TUBA1B: variants seen among roughly 807,000 people sequenced by gnomAD.
TUBA1B encodes the protein tubulin alpha-1B chain.
TUBA1B carries 1 observed loss-of-function variant against 34.4 expected under a neutral mutation model. The observed-to-expected ratio is 0.03, with a 90% CI of 0.01 to 0.14. TUBA1B has a LOEUF of 0.14. TUBA1B is among the 10% of genes least tolerant of loss of function. The pLI is 1.00. For synonymous variants in TUBA1B, 197 were observed against 212.5 expected, an observed-to-expected ratio of 0.93 and a Z score of 0.64; for missense variants, 54 against 583.6, an observed-to-expected ratio of 0.09 and a Z score of 9.35.
intron 1 of TUBA1B, chr12:49,130,335 G>C (rs1298640280): frequency 7.8e-7 from 1 of 1,289,114 alleles, no homozygotes; most frequent in African/African-American, 1.5e-5. Context: ...CAGGGACAAG[G>C]GGCGGGGCTC....
In TUBA1B at chr12:49,129,601, A is replaced by G. The variant is rs754733408; in HGVS notation, c.125T>C (p.Ile42Thr). Reference protein sequence around the residue: ...PDGQMPSDKTIGGGDDSFNTF... With the variant: ...PDGQMPSDKTTGGGDDSFNTF... ...GTTGAAGGAGTCATCTCCTCCCCCA[A>G]TGGTCTTGTCACTTGGCATCTGGCC... is the stretch of plus-strand genomic sequence containing the variant. Residue 42 changes from isoleucine to threonine, a missense_variant, in exon 2 of 4, where the codon ATT becomes ACT. Transcript: ENST00000336023. The G allele has an allele frequency of 5.0e-6, 8 of 1,614,022 alleles. No homozygotes were observed. The highest frequency in any genetic ancestry group is 2.7e-5 in the African/African-American group (2 of 74,906).
rs1941772056 is a variant in TUBA1B at position 49,129,023 on chromosome 12, CAT to C, written c.376-87_376-86del. Reference sequence around the variant, plus strand: ...TATTTCAACTTTTTAGATTACGAACCATATCTCACTGATGTAAGCACAAGGAA... The same window carrying C: ...TATTTCAACTTTTTAGATTACGAACCATCTCACTGATGTAAGCACAAGGAA... On this transcript the variant is annotated intron_variant, in intron 3 of 3. Coordinates refer to ENST00000336023, the MANE Select transcript of TUBA1B (RefSeq NM_006082.3). The C allele has an allele frequency of 2.4e-5, 36 of 1,527,106 alleles. No homozygotes were observed. The South Asian group carries it at 4.6e-4, about 19-fold the overall frequency. 94.6% of individuals were successfully genotyped at this position (1,527,106 alleles called of 1,614,324 possible).
chr12:49,130,319 T>G lies in TUBA1B; in HGVS notation c.4-597A>C, dbSNP rs1362480151. ...GCCAGACCAGCGCAGAAGAAATGTCTGTCCGCAGGGACAAGGGGCGGGGCT... is the reference window on the plus strand; with the variant it reads ...GCCAGACCAGCGCAGAAGAAATGTCGGTCCGCAGGGACAAGGGGCGGGGCT... On this transcript the variant is annotated intron_variant, in intron 1 of 3. Transcript: ENST00000336023. 4 of 1,289,090 alleles carry G rather than the reference T, an allele frequency of 3.1e-6. 1 individual carries two copies. In the South Asian group the frequency reaches 4.9e-5, roughly 16 times the overall value. The allele number at this position is 1,289,090 out of a possible 1,614,324, so 79.9% of individuals were successfully genotyped here.
chr12:49,129,835 G>T (rs570185563), intron 1 of TUBA1B, 113 bp from the exon 2 acceptor site: 1 of 1,504,024 alleles, frequency 6.6e-7, no homozygotes, highest in Non-Finnish European at 8.9e-7. Flanking sequence ...TGTCGCCCAG[G>T]CTTGAGTGCA....
chr12:49,129,411 C>T (rs369476687), intron 2 of TUBA1B, 21 bp from the exon 3 acceptor site: 24 of 1,613,954 alleles, frequency 1.5e-5, no homozygotes, highest in African/African-American at 6.7e-5. Context: ...GAGAGAAGGA[C>T]GGAGGGAGTG....
intron 2 of TUBA1B, 43 bp from the exon 3 acceptor site, chr12:49,129,433 A>G: frequency 6.2e-7 from 1 of 1,613,946 alleles, no homozygotes. Flanking sequence ...GTGAGTGACA[A>G]GAGAAGCCCC....
intron 1 of TUBA1B, 103 bp downstream of exon 1, chr12:49,131,195 T>C: frequency 5.5e-6 from 8 of 1,464,312 alleles, no homozygotes; most frequent in Admixed American, 2.0e-5. Context: ...AACGGACGGC[T>C]CTGAGGCCAG....
Position 49,131,350 on chromosome 12 carries a change from C to G in TUBA1B, c.-50G>C, listed in dbSNP as rs750280211. On this transcript the variant is annotated 5_prime_UTR_variant, in exon 1 of 4. Transcript: ENST00000336023. ...GGCGACAGGAGCAGACACCGGGTCC[C>G]GGTTACCGTCCCCGACAAGCTAAGA... The G allele has an allele frequency of 8.7e-6, 14 of 1,605,466 alleles. No homozygotes were observed. In the South Asian group the frequency reaches 1.1e-4, roughly 13 times the overall value.
Position 49,129,678 on chromosome 12 carries a change from A to G in TUBA1B, c.48T>C (p.Ile16=), listed in dbSNP as rs1941778789. The part of the protein sequence containing the change: ...SIHVGQAGVQ[I]GNACWELYCL... Reference sequence around the variant, plus strand: ...AGTAGAGCTCCCAGCAGGCATTGCCAATCTGGACACCAGCCTGGCCAACGT... The same window carrying G: ...AGTAGAGCTCCCAGCAGGCATTGCCGATCTGGACACCAGCCTGGCCAACGT... Residue 16 remains isoleucine (I), a synonymous_variant, in exon 2 of 4, where the codon ATT becomes ATC. Coordinates refer to ENST00000336023, the MANE Select transcript of TUBA1B (RefSeq NM_006082.3). 1.9e-6 allele frequency: 3 copies of G among 1,614,248 alleles called. No individual in the cohort carries two copies. Among genetic ancestry groups the G allele is most frequent in the Non-Finnish European group, 2.5e-6 (3 of 1,180,044 alleles).
chr12:49,130,200 G>C (rs1565615484), intron 1 of TUBA1B: 1 of 1,268,484 alleles, frequency 7.9e-7, no homozygotes, highest in African/African-American at 1.5e-5. Flanking sequence ...ACCAAGACAG[G>C]AAGGTGGGCA....
chr12:49,129,925 C>A (rs768714515), intron 1 of TUBA1B: 4 of 1,084,302 alleles, frequency 3.7e-6, no homozygotes, highest in Middle Eastern at 3.1e-4. Context: ...GGACCACAGG[C>A]ACAGACCACC....
intron 1 of TUBA1B, 22 bp from the exon 2 acceptor site, chr12:49,129,744 T>C (rs1270391430): frequency 4.6e-6 from 7 of 1,516,542 alleles, no homozygotes; most frequent in Middle Eastern, 1.7e-4. Flanking sequence ...AAAAAAGATA[T>C]CACAATTTAA....
In TUBA1B at chr12:49,128,249, G is replaced by A. The variant is rs3206417; in HGVS notation, c.1065C>T (p.Ile355=). 2 of 1,614,194 alleles carry A rather than the reference G, an allele frequency of 1.2e-6. No individual in the cohort carries two copies. ...GCACCACAGTGGGAGGCTGGTAGTTGATGCCAACCTTGAAGCCAGTGGGGC... is the reference window on the plus strand; with the variant it reads ...GCACCACAGTGGGAGGCTGGTAGTTAATGCCAACCTTGAAGCCAGTGGGGC... The part of the protein sequence containing the change: ...DWCPTGFKVG[I]NYQPPTVVPG... Residue 355 remains isoleucine (I), a synonymous_variant, in exon 4 of 4, where the codon ATC becomes ATT. Coordinates refer to ENST00000336023, the MANE Select transcript of TUBA1B (RefSeq NM_006082.3). This position sits in a 1 kb window ranked among gnomAD's most constrained non-coding sequence, Gnocchi z 8.1.
At chr12:49,130,567 CA>C in intron 1 of TUBA1B, 1 of 352,868 alleles carries the variant, frequency 2.8e-6, no homozygotes, top group Non-Finnish European at 5.6e-6. Context: ...TCCGTTCCCT[CA>C]AAATCCCTTA....
chr12:49,130,974 G>A (rs1438085501), intron 1 of TUBA1B: 2 of 299,286 alleles, frequency 6.7e-6, no homozygotes, highest in Non-Finnish European at 6.6e-6. Context: ...CGCTGGAAAG[G>A]ACTGCGGGGA....
Position 49,128,435 on chromosome 12 carries a change from A to G in TUBA1B, c.879T>C (p.Asn293=). 1 of 1,613,776 alleles carries G rather than the reference A, an allele frequency of 6.2e-7. No individual in the cohort carries two copies. The highest frequency in any genetic ancestry group is 8.5e-7 in the Non-Finnish European group (1 of 1,179,940). Residue 293 remains asparagine, a synonymous_variant, in exon 4 of 4, where the codon AAT becomes AAC. Coordinates refer to ENST00000336023, the MANE Select transcript of TUBA1B (RefSeq NM_006082.3). The surrounding 1 kb of genome is among the most constrained non-coding windows in gnomAD (Gnocchi z 8.1). The part of the protein sequence containing the change: ...HEQLSVAEIT[N]ACFEPANQMV... ...TCTGGTTGGCTGGCTCAAAGCAAGC[A>G]TTGGTGATCTCTGCTACAGAAAGCT...
chr12:49,131,130 A>C (rs1592246987), intron 1 of TUBA1B, 168 bp downstream of exon 1: 1 of 718,188 alleles, frequency 1.4e-6, no homozygotes, highest in South Asian at 1.9e-5. Context: ...CTATTTACAC[A>C]CACCGAGGTC....
In TUBA1B at chr12:49,131,169, C is replaced by A; in HGVS notation, c.3+129G>T. On this transcript the variant is annotated intron_variant, in intron 1 of 3. Coordinates refer to ENST00000336023, the MANE Select transcript of TUBA1B (RefSeq NM_006082.3). The stretch of plus-strand genomic sequence containing the variant: ...CCACTCCCGCCCTGGCCTCTCGCCT[C>A]GTTTTCCGCCCTCCAAACGGACGGC... 4 of 1,249,676 alleles carry A rather than the reference C, an allele frequency of 3.2e-6. No individual in the cohort carries two copies. The South Asian group carries it at 5.3e-5, about 17-fold the overall frequency. 77.4% of individuals were successfully genotyped at this position (1,249,676 alleles called of 1,614,324 possible). A position where few individuals can be genotyped will look rare whatever the true frequency, so the allele number is the denominator to read the frequency against.
At position 49,128,855 on chromosome 12, in the gene TUBA1B, G is replaced by A. The variant is rs150876346; in HGVS notation, c.459C>T (p.Leu153=). The A allele has an allele frequency of 1.7e-5, 28 of 1,613,986 alleles. No individual in the cohort carries two copies. The African/African-American group carries it at 3.7e-4, about 22-fold the overall frequency. ...GGTGSGFTSL[L]MERLSVDYGK... ...CATAATCAACTGAGAGACGTTCCAT[G>A]AGCAGGGAGGTGAACCCAGAACCAG... is the stretch of plus-strand genomic sequence containing the variant. The change falls in exon 4 of 4, where the codon CTC becomes CTT. Residue 153 remains leucine (L), a synonymous_variant. Coordinates refer to ENST00000336023, the MANE Select transcript of TUBA1B (RefSeq NM_006082.3). The surrounding 1 kb of genome is among the most constrained non-coding windows in gnomAD (Gnocchi z 8.1).
Sources: allele counts gnomAD v4.1 joint callset, GRCh38; gene constraint gnomAD v4.1.1; non-coding constraint Gnocchi (gnomAD v3.1); transcripts MANE v1.5; gene names NCBI Gene and HGNC (gene_info 2026-07-23, HGNC 2026-07-21).